DNAJC3: variants seen among roughly 807,000 people sequenced by gnomAD.
DNAJC3 encodes dnaJ homolog subfamily C member 3.
Under a neutral mutation model 68.6 loss-of-function variants are expected in DNAJC3, and 38 were observed. The observed-to-expected ratio is 0.55, with a 90% confidence interval of 0.43 to 0.73. The LOEUF (loss-of-function observed/expected upper bound fraction) is 0.73, where lower values mean the gene tolerates loss of function less well. Among genes scored for constraint, DNAJC3 ranks in the 30% least tolerant of loss-of-function variants. DNAJC3 has a pLI of 0.00. For synonymous variants in DNAJC3, 203 were observed against 204.0 expected (o/e 1.00, Z 0.04); for missense variants, 526 against 591.9 (o/e 0.89, Z 1.16).
At chr13:95,754,942 G>A (rs1490413705) in intron 4 of DNAJC3, among the ~76,000 whole-genome samples, 2 of 152,126 alleles carry the variant, frequency 1.3e-5, no homozygotes, top group Admixed American at 6.5e-5. Flanking sequence ...AGGATACATA[G>A]TGAGAAGTAA....
chr13:95,757,279 G>A (rs1212366190), intron 4 of DNAJC3, among the ~76,000 whole-genome samples: 2 of 151,990 alleles, frequency 1.3e-5, no homozygotes, highest in East Asian at 1.9e-4. Context: ...TAAGTAGAAG[G>A]CAAAATAAAT....
chr13:95,730,061 G>A (rs964119281), intron 4 of DNAJC3, among the ~76,000 whole-genome samples: 1 of 152,196 alleles, frequency 6.6e-6, no homozygotes, highest in Non-Finnish European at 1.5e-5. Flanking sequence ...GCATGATCGT[G>A]GCTTACTGCA....
rs149378534 is a variant in DNAJC3 at position 95,763,605 on chromosome 13, A to G, written c.849-38A>G. 3.8e-6 allele frequency: 6 copies of G among 1,593,514 alleles called. No homozygotes were observed. In the East Asian group the frequency reaches 1.1e-4, roughly 30 times the overall value. On this transcript the variant is annotated intron_variant, in intron 7 of 11. Coordinates refer to ENST00000602402, the MANE Select transcript of DNAJC3 (RefSeq NM_006260.5). The stretch of plus-strand genomic sequence containing the variant: ...GCCTTTCTACAGCTCTGGAAATCAA[A>G]TGTCATCATTTCTTATCATGATTTG...
At chr13:95,771,863 A>T (rs915836219) in intron 9 of DNAJC3, among the ~76,000 whole-genome samples, 2 of 149,150 alleles carry the variant, frequency 1.3e-5, no homozygotes, top group Non-Finnish European at 3.0e-5. Flanking sequence ...CTAGATCTTC[A>T]TATAAATACA....
intron 4 of DNAJC3, among the ~76,000 whole-genome samples, chr13:95,754,465 T>C (rs1306700144): frequency 6.6e-6 from 1 of 152,094 alleles, no homozygotes; most frequent in Non-Finnish European, 1.5e-5. Flanking sequence ...ACTTTTATAC[T>C]GCAAAACAAT....
chr13:95,724,892 TA>T (rs1052806330), intron 3 of DNAJC3, among the ~76,000 whole-genome samples: 1 of 152,224 alleles, frequency 6.6e-6, no homozygotes, highest in Non-Finnish European at 1.5e-5. Context: ...GGAATTGGGT[TA>T]TTTCCACTTT....
rs1023146422 is a variant in DNAJC3 at position 95,793,226 on chromosome 13, G to A, written c.*2196G>A. 1.3e-5 allele frequency: 2 copies of A among 152,196 alleles called. No individual in the cohort carries two copies. The highest frequency in any genetic ancestry group is 4.8e-5 in the African/African-American group (2 of 41,454). 9.4% of individuals were successfully genotyped at this position (152,196 alleles called of 1,614,324 possible). A position where few individuals can be genotyped will look rare whatever the true frequency, so the allele number is the denominator to read the frequency against. On this transcript the variant is annotated 3_prime_UTR_variant, in exon 12 of 12. Transcript: ENST00000602402. ...TGCCATGGAGGGAAATGAATTCTCT[G>A]CAATCTGTTGTTTCGCTGATTCATG...
At chr13:95,751,220 A>AG (rs748884026) in intron 4 of DNAJC3, among the ~76,000 whole-genome samples, 9 of 152,228 alleles carry the variant, frequency 5.9e-5, no homozygotes, top group Non-Finnish European at 1.3e-4. Flanking sequence ...AGAGTGACAG[A>AG]GGGAGACCCT....
intron 4 of DNAJC3, among the ~76,000 whole-genome samples, chr13:95,735,604 C>T (rs1231333009): frequency 6.6e-6 from 1 of 151,088 alleles, no homozygotes; most frequent in Admixed American, 6.6e-5. Context: ...TGTTTTTTGG[C>T]CGCATAAATG....
chr13:95,737,195 T>C (rs1881954555), intron 4 of DNAJC3, among the ~76,000 whole-genome samples: 1 of 151,472 alleles, frequency 6.6e-6, no homozygotes, highest in Admixed American at 6.6e-5. Flanking sequence ...TGGAGAAGCT[T>C]TTTGATGTGC....
intron 2 of DNAJC3, among the ~76,000 whole-genome samples, chr13:95,717,285 C>G (rs1297870259): frequency 6.6e-6 from 1 of 152,170 alleles, no homozygotes; most frequent in Non-Finnish European, 1.5e-5. Context: ...AAATCCATTT[C>G]TAGATTTTTA....
intron 4 of DNAJC3, among the ~76,000 whole-genome samples, chr13:95,749,677 C>T (rs898711356): frequency 6.6e-6 from 1 of 152,074 alleles, no homozygotes; most frequent in Admixed American, 6.5e-5. Context: ...TAGGTAGCTG[C>T]CTGCCTGATA....
intron 9 of DNAJC3, among the ~76,000 whole-genome samples, chr13:95,778,397 T>C (rs1177429190): frequency 6.6e-6 from 1 of 152,222 alleles, no homozygotes; most frequent in African/African-American, 2.4e-5. Context: ...CGCCATTTAT[T>C]GAAGCATTAT....
intron 1 of DNAJC3, among the ~76,000 whole-genome samples, chr13:95,691,444 A>G (rs1451696902): frequency 6.7e-6 from 1 of 149,478 alleles, no homozygotes; most frequent in Non-Finnish European, 1.5e-5. Context: ...TGCTCCTCAC[A>G]TCTCAGACGA....
intron 9 of DNAJC3, among the ~76,000 whole-genome samples, chr13:95,776,728 C>G (rs1156770086): frequency 1.3e-5 from 2 of 152,144 alleles, no homozygotes; most frequent in African/African-American, 4.8e-5. Flanking sequence ...AGTGTACTTC[C>G]TCCTCTTCCT....
chr13:95,783,695 T>A (rs1002134622), intron 9 of DNAJC3, among the ~76,000 whole-genome samples: 4 of 152,180 alleles, frequency 2.6e-5, no homozygotes, highest in African/African-American at 7.2e-5. Context: ...TGGTGGTGGT[T>A]CGTTTCTGTA....
chr13:95,770,949 ATT>A (rs1190556217), intron 9 of DNAJC3, among the ~76,000 whole-genome samples: 6 of 152,274 alleles, frequency 3.9e-5, no homozygotes, highest in African/African-American at 1.4e-4. Flanking sequence ...TCCCCCCAAC[ATT>A]TTATTATGAG....
In DNAJC3 at chr13:95,760,684, T is replaced by C. The variant is rs1882795726; in HGVS notation, c.734T>C (p.Val245Ala). 1.2e-6 allele frequency: 2 copies of C among 1,607,322 alleles called. No homozygotes were observed. Among genetic ancestry groups the C allele is most frequent in the East Asian group, 4.5e-5 (2 of 44,420 alleles). ...TTTTTTAAATACATGAACAGTGAAG[T>C]TCGGGAATGTCTTAAACTTGACCAG... is the stretch of plus-strand genomic sequence containing the variant. ...LGDHELSLSE[V>A]RECLKLDQDH... Residue 245 changes from valine (V) to alanine (A), a missense_variant, in exon 7 of 12, where the codon GTT becomes GCT. Transcript: ENST00000602402.
At position 95,791,699 on chromosome 13, in the gene DNAJC3, A is replaced by T. The variant is rs1340982673; in HGVS notation, c.*669A>T. 1 of 152,266 alleles carries T rather than the reference A, an allele frequency of 6.6e-6. No homozygotes were observed. Among genetic ancestry groups the T allele is most frequent in the Non-Finnish European group, 1.5e-5 (1 of 68,062 alleles). 9.4% of individuals were successfully genotyped at this position (152,266 alleles called of 1,614,324 possible). On this transcript the variant is annotated 3_prime_UTR_variant, in exon 12 of 12. Coordinates refer to ENST00000602402, the MANE Select transcript of DNAJC3 (RefSeq NM_006260.5). ...TACATTTTTTTGGTTCAGTACCTGA[A>T]GAAGAATACTGAAACTTGAATCTAT...
Sources: gnomAD v4.1 joint callset for allele counts (sites outside exome capture counted in the v4.1 genomes callset) on GRCh38, gnomAD v4.1.1 for gene constraint, MANE v1.5 for transcripts, NCBI Gene and HGNC (gene_info 2026-07-23, HGNC 2026-07-21) for gene names.